Variants in CACNA2D1 observed in about 807,000 individuals in gnomAD.
CACNA2D1 encodes the protein voltage-dependent calcium channel subunit alpha-2/delta-1.
In CACNA2D1, 53 loss-of-function variants were observed where a neutral mutation model predicts 171.5. That is an observed-to-expected ratio of 0.31 (90% CI 0.25 to 0.39). The LOEUF is 0.39. CACNA2D1 is among the 10% of genes least tolerant of loss of function. CACNA2D1 has a pLI of 1.00. For synonymous variants in CACNA2D1, 442 were observed against 443.1 expected, an observed-to-expected ratio of 1.00 and a Z score of 0.03; for missense variants, 903 against 1,299.8, an observed-to-expected ratio of 0.69 and a Z score of 4.69.
At chr7:82,417,181 A>C (rs1828264629) in intron 1 of CACNA2D1, among the ~76,000 whole-genome samples, 2 of 152,338 alleles carry the variant, frequency 1.3e-5, no homozygotes, top group African/African-American at 2.4e-5. Context: ...CAGATGTATT[A>C]GTGAGATAGC....
At chr7:82,245,063 G>A (rs1804741236) in intron 3 of CACNA2D1, among the ~76,000 whole-genome samples, 1 of 152,064 alleles carries the variant, frequency 6.6e-6, no homozygotes, top group Admixed American at 6.6e-5. Flanking sequence ...CTCACACTTG[G>A]GAAAAGTGGA....
intron 3 of CACNA2D1, among the ~76,000 whole-genome samples, chr7:82,238,170 G>T (rs1470498142): frequency 1.3e-5 from 2 of 152,008 alleles, no homozygotes; most frequent in South Asian, 4.1e-4. Flanking sequence ...GATTTAAGTT[G>T]TCTGTCTTCT....
intron 4 of CACNA2D1, among the ~76,000 whole-genome samples, chr7:82,159,284 T>G (rs1441955458): frequency 6.6e-6 from 1 of 151,910 alleles, no homozygotes; most frequent in African/African-American, 2.4e-5. Context: ...AAACCATGAC[T>G]TAATCCTTTT....
At chr7:82,119,732 A>T (rs1017722303) in intron 5 of CACNA2D1, among the ~76,000 whole-genome samples, 1 of 152,206 alleles carries the variant, frequency 6.6e-6, no homozygotes, top group African/African-American at 2.4e-5. Context: ...TTTGCTTGCA[A>T]TCATACTATG....
intron 5 of CACNA2D1, among the ~76,000 whole-genome samples, chr7:82,120,726 T>A (rs867450520): frequency 6.5e-4 from 98 of 151,928 alleles, no homozygotes; most frequent in African/African-American, 2.2e-3. Context: ...AATACAAAAA[T>A]TAGCCGAGTG....
chr7:82,112,840 T>C (rs569549722), intron 6 of CACNA2D1, among the ~76,000 whole-genome samples: 1 of 152,264 alleles, frequency 6.6e-6, no homozygotes, highest in South Asian at 2.1e-4. Context: ...GACACTGATG[T>C]CATCTAAGAT....
intron 3 of CACNA2D1, among the ~76,000 whole-genome samples, chr7:82,330,652 T>G (rs950874401): frequency 6.6e-6 from 1 of 152,156 alleles, no homozygotes; most frequent in Non-Finnish European, 1.5e-5. Flanking sequence ...ATCATTCTTT[T>G]GAAAATGGTT....
At chr7:82,405,436 A>C (rs994571852) in intron 1 of CACNA2D1, among the ~76,000 whole-genome samples, 5 of 152,176 alleles carry the variant, frequency 3.3e-5, no homozygotes, top group Non-Finnish European at 7.4e-5. Flanking sequence ...ATCTGGGAGA[A>C]ATTACTTTAC....
intron 38 of CACNA2D1, 81 bp from the exon 39 acceptor site, chr7:81,950,589 A>T: frequency 6.6e-7 from 1 of 1,513,856 alleles, no homozygotes; most frequent in South Asian, 1.3e-5. Flanking sequence ...CATCTTTCAG[A>T]GTAATCCATA....
intron 3 of CACNA2D1, among the ~76,000 whole-genome samples, chr7:82,275,241 A>G (rs1375314242): frequency 6.6e-6 from 1 of 152,178 alleles, no homozygotes; most frequent in Non-Finnish European, 1.5e-5. Context: ...TGCCTCTGTC[A>G]TGTAGTTCCC....
At chr7:82,188,544 G>C (rs1269146295) in intron 3 of CACNA2D1, among the ~76,000 whole-genome samples, 1 of 151,972 alleles carries the variant, frequency 6.6e-6, no homozygotes, top group African/African-American at 2.4e-5. Flanking sequence ...AGAAAGTTAA[G>C]TTTTATGCTT....
At chr7:82,296,587 C>T (rs535255601) in intron 3 of CACNA2D1, among the ~76,000 whole-genome samples, 1 of 152,276 alleles carries the variant, frequency 6.6e-6, no homozygotes, top group African/African-American at 2.4e-5. Context: ...ATCTGTTAAA[C>T]TCCTATTCAC....
At chr7:82,115,084 A>G (rs1313728385) in intron 6 of CACNA2D1, among the ~76,000 whole-genome samples, 1 of 152,200 alleles carries the variant, frequency 6.6e-6, no homozygotes, top group African/African-American at 2.4e-5. Context: ...GTTTTCTTCA[A>G]CAGAGTAACG....
At chr7:82,401,041 A>G (rs1375398251) in intron 1 of CACNA2D1, among the ~76,000 whole-genome samples, 2 of 152,174 alleles carry the variant, frequency 1.3e-5, no homozygotes, top group East Asian at 1.9e-4. Context: ...GCAATCGTTA[A>G]AAAGTCAGGA....
chr7:82,394,329 G>A (rs1304572130), intron 1 of CACNA2D1, among the ~76,000 whole-genome samples: 1 of 151,990 alleles, frequency 6.6e-6, no homozygotes, highest in Non-Finnish European at 1.5e-5. Context: ...TGAAGGGAGG[G>A]AAGAAGGGAA....
chr7:81,956,183 A>G (rs1335353166), intron 38 of CACNA2D1, among the ~76,000 whole-genome samples: 2 of 151,530 alleles, frequency 1.3e-5, no homozygotes, highest in Non-Finnish European at 2.9e-5. Context: ...CAGGTTGCCC[A>G]GGCTGGTCTC....
At chr7:82,102,712 G>A (rs1444015654) in intron 6 of CACNA2D1, among the ~76,000 whole-genome samples, 2 of 152,028 alleles carry the variant, frequency 1.3e-5, no homozygotes, top group African/African-American at 4.8e-5. Context: ...GTTCCAGAGG[G>A]CCCTGTGCTG....
chr7:81,962,292 G>C lies in CACNA2D1; in HGVS notation c.2836+148C>G, dbSNP rs918896626. The stretch of plus-strand genomic sequence containing the variant: ...ATTTCTAAAACATTAGGAAAGGTTG[G>C]ACAAAAAGTTTCTAGCTCTAAAATT... On this transcript the variant is annotated intron_variant, in intron 35 of 38. Coordinates refer to ENST00000356860, the MANE Select transcript of CACNA2D1 (RefSeq NM_000722.4). 5.5e-6 allele frequency: 4 copies of C among 725,796 alleles called. No individual in the cohort carries two copies. In the East Asian group the frequency reaches 1.1e-4, roughly 20 times the overall value. 45.0% of individuals were successfully genotyped at this position (725,796 alleles called of 1,614,324 possible).
chr7:82,419,729 A>C (rs1476208232), intron 1 of CACNA2D1, among the ~76,000 whole-genome samples: 1 of 152,220 alleles, frequency 6.6e-6, no homozygotes, highest in Non-Finnish European at 1.5e-5. Context: ...CAAAATGCAA[A>C]CACCACATCA....
Sources: gnomAD v4.1 joint callset for allele counts (sites outside exome capture counted in the v4.1 genomes callset) on GRCh38, gnomAD v4.1.1 for gene constraint, MANE v1.5 for transcripts, NCBI Gene and HGNC (gene_info 2026-07-23, HGNC 2026-07-21) for gene names.